Variants in SLIT2 observed in about 807,000 individuals in gnomAD.
SLIT2 encodes slit homolog 2 protein.
SLIT2 carries 41 observed loss-of-function variants against 185.7 expected under a neutral mutation model. The ratio of observed to expected loss-of-function variants is 0.22; its 90% confidence interval spans 0.17 to 0.29. The LOEUF is 0.29. SLIT2 is among the 10% of genes least tolerant of loss of function. SLIT2 has a pLI of 1.00. For missense variants in SLIT2, 1,571 were observed against 1,909.0 expected, an observed-to-expected ratio of 0.82 and a Z score of 3.30; for synonymous variants, 693 against 680.2, an observed-to-expected ratio of 1.02 and a Z score of -0.29.
chr4:20,566,006 C>T (rs938424740), intron 26 of SLIT2, among the ~76,000 whole-genome samples: 1 of 151,972 alleles, frequency 6.6e-6, no homozygotes, highest in African/African-American at 2.4e-5. Flanking sequence ...TGTTCTCTTA[C>T]ATACATGAGT....
chr4:20,306,927 A>C (rs1443209650), intron 4 of SLIT2, among the ~76,000 whole-genome samples: 2 of 152,180 alleles, frequency 1.3e-5, no homozygotes, highest in East Asian at 3.9e-4. Context: ...AAATATATAT[A>C]AATAAAATTT....
rs181634717 is a variant in SLIT2 at position 20,559,201 on chromosome 4, A to G, written c.2725+5233A>G. The stretch of plus-strand genomic sequence containing the variant: ...AGATGATGTAAAGCCTAAATTTATC[A>G]TTTCAACTGTGGAAGTTCAGTTTAA... On this transcript the variant is annotated intron_variant, in intron 26 of 36. Transcript: ENST00000504154. Among the ~76,000 whole-genome samples, 321 of 152,162 alleles carry G rather than the reference A, an allele frequency of 2.1e-3. 1 individual carries two copies. The highest frequency in any genetic ancestry group is 3.7e-3 in the Non-Finnish European group (254 of 68,008).
At chr4:20,515,939 T>C (rs1720169121) in intron 11 of SLIT2, among the ~76,000 whole-genome samples, 1 of 152,194 alleles carries the variant, frequency 6.6e-6, no homozygotes, top group African/African-American at 2.4e-5. Flanking sequence ...CCTCAGCCTC[T>C]CATGTAGCTG....
chr4:20,574,478 G>T (rs189594036), intron 29 of SLIT2, among the ~76,000 whole-genome samples: 1 of 152,128 alleles, frequency 6.6e-6, no homozygotes, highest in African/African-American at 2.4e-5. Context: ...TTTGCAGTTG[G>T]ATTATGAGGA....
At chr4:20,578,327 AG>A (rs2148930244) in intron 29 of SLIT2, among the ~76,000 whole-genome samples, 1 of 152,276 alleles carries the variant, frequency 6.6e-6, no homozygotes, top group Non-Finnish European at 1.5e-5. Flanking sequence ...TTTATCTATT[AG>A]GTTGCTTATT....
At chr4:20,612,245 G>GAAAAAA (rs139866324) in intron 34 of SLIT2, among the ~76,000 whole-genome samples, 1 of 56,234 alleles carries the variant, frequency 1.8e-5, no homozygotes. Flanking sequence ...ACTATCTCAA[G>GAAAAAA]AAAAAAAAAA....
chr4:20,453,551 C>G (rs1254915127), intron 4 of SLIT2, among the ~76,000 whole-genome samples: 1 of 152,006 alleles, frequency 6.6e-6, no homozygotes, highest in Non-Finnish European at 1.5e-5. Flanking sequence ...GAAATGTGTT[C>G]TAAATGTTAG....
chr4:20,422,365 A>T (rs1728231892), intron 4 of SLIT2, among the ~76,000 whole-genome samples: 1 of 152,192 alleles, frequency 6.6e-6, no homozygotes. Flanking sequence ...AAAGAAATAC[A>T]TGTTAAAGTG....
At chr4:20,500,112 A>G (rs977380970) in intron 9 of SLIT2, among the ~76,000 whole-genome samples, 1 of 152,220 alleles carries the variant, frequency 6.6e-6, no homozygotes, top group African/African-American at 2.4e-5. Context: ...TAAATGTAAC[A>G]TGGTATGAAA....
chr4:20,424,501 A>G (rs1728397556), intron 4 of SLIT2, among the ~76,000 whole-genome samples: 1 of 152,098 alleles, frequency 6.6e-6, no homozygotes, highest in African/African-American at 2.4e-5. Flanking sequence ...TTTCTCAAAT[A>G]CTGTAGTAAC....
At chr4:20,457,930 G>A (rs964927178) in intron 4 of SLIT2, among the ~76,000 whole-genome samples, 2 of 152,058 alleles carry the variant, frequency 1.3e-5, no homozygotes, top group African/African-American at 4.8e-5. Flanking sequence ...ACAGTGCTTG[G>A]TATTATTTTT....
chr4:20,431,625 C>G (rs1024701370), intron 4 of SLIT2, among the ~76,000 whole-genome samples: 10 of 152,294 alleles, frequency 6.6e-5, no homozygotes, highest in African/African-American at 2.2e-4. Flanking sequence ...AGGCAGTGGT[C>G]TTGGCATCTT....
chr4:20,351,589 C>G (rs1721882761), intron 4 of SLIT2, among the ~76,000 whole-genome samples: 1 of 152,110 alleles, frequency 6.6e-6, no homozygotes, highest in African/African-American at 2.4e-5. Context: ...TGCCAGGTGA[C>G]AACCTCCACT....
chr4:20,338,629 G>C (rs891635588), intron 4 of SLIT2, among the ~76,000 whole-genome samples: 5 of 152,166 alleles, frequency 3.3e-5, no homozygotes, highest in African/African-American at 1.2e-4. Flanking sequence ...GACTGCATAT[G>C]TTCAGGAAAA....
intron 29 of SLIT2, among the ~76,000 whole-genome samples, chr4:20,577,650 A>G (rs1161536858): frequency 2.0e-5 from 3 of 152,188 alleles, no homozygotes; most frequent in Non-Finnish European, 4.4e-5. Context: ...GTCCAACTTA[A>G]TGAAGCTGCC....
chr4:20,454,738 G>A (rs1247848613), intron 4 of SLIT2, among the ~76,000 whole-genome samples: 2 of 152,040 alleles, frequency 1.3e-5, no homozygotes, highest in African/African-American at 4.8e-5. Flanking sequence ...ACATGATATA[G>A]GTATTATACA....
chr4:20,335,495 T>G (rs902242629), intron 4 of SLIT2, among the ~76,000 whole-genome samples: 9 of 152,182 alleles, frequency 5.9e-5, no homozygotes, highest in African/African-American at 2.2e-4. Flanking sequence ...GCTTATATTA[T>G]GTAACAGGGC....
At chr4:20,329,594 A>G (rs1719895565) in intron 4 of SLIT2, among the ~76,000 whole-genome samples, 1 of 151,990 alleles carries the variant, frequency 6.6e-6, no homozygotes, top group African/African-American at 2.4e-5. Context: ...AAATCATAGG[A>G]CTAGAGTCTA....
intron 4 of SLIT2, among the ~76,000 whole-genome samples, chr4:20,424,929 T>C (rs1366177575): frequency 1.3e-5 from 2 of 152,144 alleles, no homozygotes; most frequent in Non-Finnish European, 2.9e-5. Context: ...AAATAAAGTG[T>C]GTCTATATAT....
Sources: allele counts gnomAD v4.1 joint callset (sites outside exome capture counted in the v4.1 genomes callset), GRCh38; gene constraint gnomAD v4.1.1; transcripts MANE v1.5; gene names NCBI Gene and HGNC (gene_info 2026-07-23, HGNC 2026-07-21).